Variants in MRAS observed in about 807,000 individuals in gnomAD.
The protein encoded by MRAS is muscle RAS oncogene homolog.
Under a neutral mutation model 20.9 loss-of-function variants are expected in MRAS, and 4 were observed. The observed-to-expected ratio is 0.19, with a 90% CI of 0.09 to 0.44. The LOEUF (loss-of-function observed/expected upper bound fraction) is 0.44. Ranked by LOEUF, MRAS falls within the 20% of genes least tolerant of loss-of-function variation. The probability of loss-of-function intolerance (pLI) is 0.99; values close to 1 mark genes in which losing one functional copy is unlikely to be tolerated. For synonymous variants in MRAS, 98 were observed against 102.9 expected, an observed-to-expected ratio of 0.95 and a Z score of 0.29; for missense variants, 154 against 277.5, an observed-to-expected ratio of 0.56 and a Z score of 3.16.
intron 1 of MRAS, among the ~76,000 whole-genome samples, chr3:138,354,161 C>T (rs777912147): frequency 3.3e-5 from 5 of 152,070 alleles, no homozygotes; most frequent in Non-Finnish European, 5.9e-5. Context: ...GCGAGTCCCT[C>T]GCTGGCAGGA....
intron 1 of MRAS, among the ~76,000 whole-genome samples, chr3:138,359,963 A>G (rs1000661050): frequency 6.6e-6 from 1 of 152,358 alleles, no homozygotes; most frequent in Non-Finnish European, 1.5e-5. Context: ...GAGTTTTTGC[A>G]TAGACTCAGA....
chr3:138,367,755 C>T (rs1177448514), intron 1 of MRAS, among the ~76,000 whole-genome samples: 1 of 152,178 alleles, frequency 6.6e-6, no homozygotes. Context: ...GGATGTGGCT[C>T]TTGTCCTCGT....
Position 138,400,625 on chromosome 3 carries a change from C to T in MRAS, c.527+12C>T, listed in dbSNP as rs752238245. 2 of 1,602,876 alleles carry T rather than the reference C, an allele frequency of 1.2e-6. No homozygotes were observed. Among genetic ancestry groups the T allele is most frequent in the Admixed American group, 3.3e-5 (2 of 60,008 alleles). Reference sequence around the variant, plus strand: ...GTTAGAGTAATTAGGTGAGCACTGCCCTCTCCCTAGAAGCGGGCCTCCACA... The same window carrying T: ...GTTAGAGTAATTAGGTGAGCACTGCTCTCTCCCTAGAAGCGGGCCTCCACA... On this transcript the variant is annotated intron_variant, in intron 5 of 5. Transcript: ENST00000423968.
At chr3:138,348,953 C>A (rs1377539999) in intron 1 of MRAS, 186 bp downstream of exon 1, 1 of 152,128 alleles carries the variant, frequency 6.6e-6, no homozygotes, top group African/African-American at 2.4e-5. Flanking sequence ...TCCCGCGTAA[C>A]GGTGTGCGTT....
intron 1 of MRAS, among the ~76,000 whole-genome samples, chr3:138,364,714 G>A (rs1486266999): frequency 6.6e-6 from 1 of 152,248 alleles, no homozygotes; most frequent in Middle Eastern, 3.2e-3. Flanking sequence ...TCAGGGCGGA[G>A]GGCTACCTGC....
intron 1 of MRAS, among the ~76,000 whole-genome samples, chr3:138,351,366 C>G (rs145507871): frequency 4.9e-4 from 75 of 152,328 alleles, no homozygotes; most frequent in African/African-American, 1.7e-3. Flanking sequence ...GTTCCAGAGG[C>G]TCTGTACCTG....
intron 1 of MRAS, among the ~76,000 whole-genome samples, chr3:138,364,230 C>T (rs1338526482): frequency 6.6e-6 from 1 of 152,102 alleles, no homozygotes; most frequent in Admixed American, 6.5e-5. Flanking sequence ...TGAACTGTCA[C>T]CTGTGGAACC....
intron 1 of MRAS, among the ~76,000 whole-genome samples, chr3:138,368,022 G>A (rs1446211645): frequency 1.3e-5 from 2 of 152,248 alleles, no homozygotes; most frequent in Non-Finnish European, 2.9e-5. Context: ...CTGTGGCCTG[G>A]GCGGGGCCCT....
chr3:138,393,169 T>C (rs2108553933), intron 2 of MRAS, among the ~76,000 whole-genome samples: 1 of 152,378 alleles, frequency 6.6e-6, no homozygotes, highest in Admixed American at 6.5e-5. Flanking sequence ...TCTTAGATTT[T>C]AGTTCTACAT....
At chr3:138,389,763 G>C (rs1449444430) in intron 2 of MRAS, among the ~76,000 whole-genome samples, 2 of 151,854 alleles carry the variant, frequency 1.3e-5, no homozygotes, top group Non-Finnish European at 2.9e-5. Flanking sequence ...TACTTCCAAG[G>C]CTGTGAAGAG....
At chr3:138,396,668 G>A (rs1200150818) in intron 2 of MRAS, among the ~76,000 whole-genome samples, 5 of 152,140 alleles carry the variant, frequency 3.3e-5, no homozygotes, top group Non-Finnish European at 7.4e-5. Context: ...GGAGTAGTTG[G>A]GGGGATGGAT....
In MRAS at chr3:138,372,899, G is replaced by A. The variant is rs778102030; in HGVS notation, c.16G>A (p.Val6Ile). Reference protein sequence around the residue: MATSAVPSDNLPTYKL... With the variant: MATSAIPSDNLPTYKL... ...TACGAGAAACATGGCAACCAGCGCCGTCCCCAGTGACAACCTCCCCACATA... is the reference window on the plus strand; with the variant it reads ...TACGAGAAACATGGCAACCAGCGCCATCCCCAGTGACAACCTCCCCACATA... Residue 6 changes from valine (V) to isoleucine (I), a missense_variant, in exon 2 of 6, where the codon GTC becomes ATC. Around this residue, in one of 3 missense-constraint regions of MRAS, gnomAD observed 27 missense variants for 42.0 expected, o/e 0.64. Transcript: ENST00000423968. 4.5e-6 allele frequency: 7 copies of A among 1,544,308 alleles called. No homozygotes were observed. Among genetic ancestry groups the A allele is most frequent in the East Asian group, 2.6e-5 (1 of 38,586 alleles).
At chr3:138,385,617 G>A (rs2054995522) in intron 2 of MRAS, among the ~76,000 whole-genome samples, 1 of 152,012 alleles carries the variant, frequency 6.6e-6, no homozygotes, top group Admixed American at 6.5e-5. Flanking sequence ...CCAGGTTCAA[G>A]CGATTCTCCT....
chr3:138,385,092 G>A (rs539414069), intron 2 of MRAS, among the ~76,000 whole-genome samples: 1 of 151,986 alleles, frequency 6.6e-6, no homozygotes, highest in South Asian at 2.1e-4. Context: ...CTGAAAGGAG[G>A]AAGAGAGAAA....
At chr3:138,383,327 G>A (rs1275018008) in intron 2 of MRAS, among the ~76,000 whole-genome samples, 1 of 152,098 alleles carries the variant, frequency 6.6e-6, no homozygotes, top group Non-Finnish European at 1.5e-5. Flanking sequence ...ATATATTATT[G>A]TTGTTTTTAT....
intron 1 of MRAS, among the ~76,000 whole-genome samples, chr3:138,362,308 AT>A (rs2054465699): frequency 6.6e-6 from 1 of 152,090 alleles, no homozygotes; most frequent in Non-Finnish European, 1.5e-5. Flanking sequence ...TGGGTGCTGA[AT>A]CCCAGCTTCT....
At chr3:138,374,955 C>G (rs984892740) in intron 2 of MRAS, among the ~76,000 whole-genome samples, 1 of 152,146 alleles carries the variant, frequency 6.6e-6, no homozygotes, top group Admixed American at 6.5e-5. Flanking sequence ...GATCTTAGCT[C>G]ACTGCAACCA....
At chr3:138,382,612 T>C (rs2054928121) in intron 2 of MRAS, among the ~76,000 whole-genome samples, 1 of 152,126 alleles carries the variant, frequency 6.6e-6, no homozygotes. Flanking sequence ...GGCTGGGAGC[T>C]GAAGGACCCC....
intron 2 of MRAS, among the ~76,000 whole-genome samples, chr3:138,385,205 TCA>T (rs2054986365): frequency 7.4e-6 from 1 of 135,548 alleles, no homozygotes; most frequent in Non-Finnish European, 1.5e-5. Context: ...TCTTGCTTTG[TCA>T]CCCAGGCTGG....
Sources: gnomAD v4.1 joint callset for allele counts (sites outside exome capture counted in the v4.1 genomes callset) on GRCh38, gnomAD v4.1.1 for gene constraint, gnomAD v4.1.1 regional missense constraint, MANE v1.5 for transcripts, NCBI Gene and HGNC (gene_info 2026-07-23, HGNC 2026-07-21) for gene names.